Variants in FXN observed in about 807,000 individuals in gnomAD.
FXN encodes the protein frataxin, mitochondrial.
FXN carries 14 observed loss-of-function variants against 22.4 expected under a neutral mutation model. The ratio of observed to expected loss-of-function variants is 0.62; its 90% confidence interval spans 0.41 to 0.98. The LOEUF is 0.98. Among genes scored for constraint, FXN ranks in the 50% least tolerant of loss-of-function variants. The pLI, the probability that FXN is intolerant of heterozygous loss-of-function variation, is 0.00. For missense variants in FXN, 267 were observed against 268.4 expected (o/e 0.99, Z 0.04); for synonymous variants, 120 against 114.1 (o/e 1.05, Z -0.33).
intron 1 of FXN, 97 bp from the exon 2 acceptor site, chr9:69,046,288 A>T: frequency 1.2e-6 from 1 of 868,984 alleles, no homozygotes; most frequent in Non-Finnish European, 1.9e-6. Context: ...ACTCGGTTAC[A>T]GGCACTCGAA....
intron 1 of FXN, among the ~76,000 whole-genome samples, chr9:69,036,566 C>T (rs1021864420): frequency 6.6e-6 from 1 of 152,228 alleles, no homozygotes; most frequent in Non-Finnish European, 1.5e-5. Flanking sequence ...TGCCCCACTC[C>T]GCAGAGCTGT....
intron 3 of FXN, among the ~76,000 whole-genome samples, chr9:69,057,112 A>AG (rs1435331932): frequency 2.0e-5 from 3 of 152,124 alleles, no homozygotes; most frequent in Non-Finnish European, 2.9e-5. Flanking sequence ...TTTAGCCCTT[A>AG]GGGGAAAAAA....
rs111455354 is a variant in FXN at position 69,054,219 on chromosome 9, C to T, written c.384+959C>T. On this transcript the variant is annotated intron_variant, in intron 3 of 4. Transcript: ENST00000484259. ...TTCACCATGTTGGTTAGGCTGGTCT[C>T]GATCTCCTGACCTCAAATGGTCCAC... Among the ~76,000 whole-genome samples the T allele has an allele frequency of 1.2e-3, 188 of 152,198 alleles. 1 individual carries two copies. The highest frequency in any genetic ancestry group is 4.3e-3 in the African/African-American group (179 of 41,552).
chr9:69,037,284 A>AAAAAAAAAAAAAAAAAAAAGAAG (rs544093183), intron 1 of FXN, among the ~76,000 whole-genome samples: 1 of 78,058 alleles, frequency 1.3e-5, no homozygotes, highest in African/African-American at 4.7e-5. Context: ...AAAAAAAAAA[A>AAAAAAAAAAAAAAAAAAAAGAAG]AAGAAGAAGA....
Position 69,076,656 on chromosome 9 carries a change from GTGA to G in FXN, c.*3897_*3899del, listed in dbSNP as rs1176159472. The G allele has an allele frequency of 3.0e-6, 3 of 985,430 alleles. No homozygotes were observed. The highest frequency in any genetic ancestry group is 3.6e-6 in the Non-Finnish European group (3 of 829,948). 61.0% of individuals were successfully genotyped at this position (985,430 alleles called of 1,614,324 possible). On this transcript the variant is annotated 3_prime_UTR_variant, in exon 5 of 5. Transcript: ENST00000484259. ...CTCTAAAGGAAGACCCATGTTCATAGTGATGGAGTTTGTGTGGACTAACCATGC... is the reference window on the plus strand; with the variant it reads ...CTCTAAAGGAAGACCCATGTTCATAGTGGAGTTTGTGTGGACTAACCATGC...
chr9:69,057,396 A>G (rs909562608), intron 3 of FXN, among the ~76,000 whole-genome samples: 12 of 152,242 alleles, frequency 7.9e-5, no homozygotes, highest in African/African-American at 2.9e-4. Flanking sequence ...ACATTAGGCT[A>G]GTAGGCTTTC....
chr9:69,055,747 G>C (rs1333120226), intron 3 of FXN, among the ~76,000 whole-genome samples: 1 of 151,828 alleles, frequency 6.6e-6, no homozygotes, highest in Non-Finnish European at 1.5e-5. Context: ...ACCCGCCTCA[G>C]CCTCCTAAAG....
In FXN at chr9:69,053,512, GATA is replaced by G. The variant is rs1241012885; in HGVS notation, c.384+253_384+255del. Among the ~76,000 whole-genome samples, 1,335 of 145,120 alleles carry G rather than the reference GATA, an allele frequency of 9.2e-3. 11 individuals are homozygous for G. Among genetic ancestry groups the G allele is most frequent in the Non-Finnish European group, 0.012 (789 of 65,908 alleles). ...GGATGGATGGATGGATGGATGGATAGATAGATAGATAGATAGATAGATAGCTGG... is the reference window on the plus strand; with the variant it reads ...GGATGGATGGATGGATGGATGGATAGGATAGATAGATAGATAGATAGCTGG... On this transcript the variant is annotated intron_variant, in intron 3 of 4. Transcript: ENST00000484259.
chr9:69,067,426 T>C (rs555987834), intron 4 of FXN, among the ~76,000 whole-genome samples: 1 of 152,348 alleles, frequency 6.6e-6, no homozygotes, highest in East Asian at 1.9e-4. Flanking sequence ...GCAAATGGCA[T>C]GACCAGACAC....
chr9:69,037,497 TA>T (rs1246146943), intron 1 of FXN, among the ~76,000 whole-genome samples: 3 of 151,750 alleles, frequency 2.0e-5, no homozygotes, highest in Non-Finnish European at 4.4e-5. Flanking sequence ...AAATAAAAAA[TA>T]AAATGGATTT....
At chr9:69,042,140 A>C (rs1831668234) in intron 1 of FXN, among the ~76,000 whole-genome samples, 1 of 151,792 alleles carries the variant, frequency 6.6e-6, no homozygotes, top group Admixed American at 6.6e-5. Context: ...CAGGAGGCTG[A>C]GGCAGGAGAA....
chr9:69,041,445 G>T (rs1020339529), intron 1 of FXN, among the ~76,000 whole-genome samples: 1 of 152,202 alleles, frequency 6.6e-6, no homozygotes. Context: ...TGATTGCAGT[G>T]TTCTGTTGTT....
At chr9:69,043,986 G>A (rs1454704155) in intron 1 of FXN, among the ~76,000 whole-genome samples, 1 of 152,164 alleles carries the variant, frequency 6.6e-6, no homozygotes, top group Non-Finnish European at 1.5e-5. Flanking sequence ...GCCTCCCAAA[G>A]TGCGGGGATT....
At chr9:69,036,320 T>A (rs1831550998) in intron 1 of FXN, 1 of 161,438 alleles carries the variant, frequency 6.2e-6, no homozygotes, top group Non-Finnish European at 1.3e-5. Flanking sequence ...TAATAGATGG[T>A]ATCTGCTAGT....
Position 69,078,685 on chromosome 9 carries a change from AT to A in FXN, c.*5927del, listed in dbSNP as rs11301594. ...CCCAGATCCCTAAGTGTGCTGTGCTATTTTCACGTGGCTCTCAGACTTGGCC... is the reference window on the plus strand; with the variant it reads ...CCCAGATCCCTAAGTGTGCTGTGCTATTTCACGTGGCTCTCAGACTTGGCC... On this transcript the variant is annotated 3_prime_UTR_variant, in exon 5 of 5. Transcript: ENST00000484259. 0.47 allele frequency: 467,475 copies of A among 984,702 alleles called. 112,135 individuals are homozygous for A. The highest frequency in any genetic ancestry group is 0.65 in the East Asian group (5,674 of 8,778). The allele number at this position is 984,702 out of a possible 1,614,324, so 61.0% of individuals were successfully genotyped here. A position where few individuals can be genotyped will look rare whatever the true frequency, so the allele number is the denominator to read the frequency against.
intron 3 of FXN, among the ~76,000 whole-genome samples, chr9:69,062,985 G>T (rs917036525): frequency 4.0e-5 from 6 of 151,876 alleles, no homozygotes; most frequent in African/African-American, 1.5e-4. Context: ...ATCACTTGAG[G>T]CCAGAAGTTT....
chr9:69,075,105 A>G lies in FXN; in HGVS notation c.*2343A>G, dbSNP rs1050450973. ...CAGGCCTATTTTACTTTCATTTTAC[A>G]TATAGCTCTAATTGGTTTGATTATC... is the stretch of plus-strand genomic sequence containing the variant. On this transcript the variant is annotated 3_prime_UTR_variant, in exon 5 of 5. Coordinates refer to ENST00000484259, the MANE Select transcript of FXN (RefSeq NM_000144.5). The G allele has an allele frequency of 8.1e-6, 8 of 985,420 alleles. No homozygotes were observed. The highest frequency in any genetic ancestry group is 1.7e-5 in the African/African-American group (1 of 57,356). 61.0% of individuals were successfully genotyped at this position (985,420 alleles called of 1,614,324 possible).
At chr9:69,040,007 A>G (rs1767592441) in intron 1 of FXN, among the ~76,000 whole-genome samples, 1 of 152,200 alleles carries the variant, frequency 6.6e-6, no homozygotes, top group Non-Finnish European at 1.5e-5. Context: ...CCATTAATCT[A>G]TGAATGGATT....
At chr9:69,066,774 A>G (rs1355029350) in intron 4 of FXN, among the ~76,000 whole-genome samples, 5 of 152,124 alleles carry the variant, frequency 3.3e-5, no homozygotes, top group Non-Finnish European at 7.4e-5. Context: ...CTGCCCAGCA[A>G]TACGCTCTAG....
Sources: allele counts gnomAD v4.1 joint callset (sites outside exome capture counted in the v4.1 genomes callset), GRCh38; gene constraint gnomAD v4.1.1; transcripts MANE v1.5; gene names NCBI Gene and HGNC (gene_info 2026-07-23, HGNC 2026-07-21).